Variants in CDC27 observed in about 807,000 individuals in gnomAD.
CDC27 encodes cell division cycle 27, also known as cell division cycle protein 27 homolog.
Under a neutral mutation model 109.7 loss-of-function variants are expected in CDC27, and 27 were observed. That is an observed-to-expected ratio of 0.25 (90% confidence interval 0.18 to 0.34). CDC27 has a LOEUF of 0.34. Among genes scored for constraint, CDC27 ranks in the 10% least tolerant of loss-of-function variants. The probability of loss-of-function intolerance (pLI) is 1.00; values close to 1 mark genes in which losing one functional copy is unlikely to be tolerated. For missense variants in CDC27, 579 were observed against 960.2 expected, an observed-to-expected ratio of 0.60 and a Z score of 5.25; for synonymous variants, 266 against 333.9, an observed-to-expected ratio of 0.80 and a Z score of 2.22.
chr17:47,157,653 T>C (rs2063359146), intron 5 of CDC27, among the ~76,000 whole-genome samples: 1 of 152,200 alleles, frequency 6.6e-6, no homozygotes, highest in South Asian at 2.1e-4. Flanking sequence ...CAGATTTCTG[T>C]GTTTGTTTTA....
intron 10 of CDC27, among the ~76,000 whole-genome samples, chr17:47,143,597 T>C (rs2062863841): frequency 6.6e-6 from 1 of 152,166 alleles, no homozygotes; most frequent in Non-Finnish European, 1.5e-5. Flanking sequence ...TAACTCCTAA[T>C]AATCACTGAT....
At chr17:47,164,724 C>T (rs1319143280) in intron 4 of CDC27, among the ~76,000 whole-genome samples, 2 of 152,028 alleles carry the variant, frequency 1.3e-5, no homozygotes, top group African/African-American at 2.4e-5. Flanking sequence ...GGCTGAGGCA[C>T]GAGAACTGCT....
intron 8 of CDC27, 21 bp downstream of exon 8, chr17:47,154,651 T>A: frequency 7.9e-7 from 1 of 1,268,470 alleles, no homozygotes; most frequent in Non-Finnish European, 1.1e-6. Context: ...ATTCCCAAAC[T>A]GCATTTTACA....
chr17:47,178,292 T>C (rs538940278), intron 2 of CDC27, among the ~76,000 whole-genome samples: 1 of 152,116 alleles, frequency 6.6e-6, no homozygotes, highest in East Asian at 1.9e-4. Context: ...TCCCAGCACT[T>C]TGGGAGACGG....
chr17:47,148,113 G>A lies in CDC27; in HGVS notation c.1070+3693C>T, dbSNP rs140193420. Among the ~76,000 whole-genome samples, 246 of 150,438 alleles carry A rather than the reference G, an allele frequency of 1.6e-3. 3 individuals are homozygous for A. The highest frequency in any genetic ancestry group is 5.6e-3 in the African/African-American group (229 of 40,882). On this transcript the variant is annotated intron_variant, in intron 9 of 18. Transcript: ENST00000066544. ...CTCAGGAGGCTGAGGCAGGAGAATCGCTTGAACCCAGGAGGGGCGGAGGGT... is the reference window on the plus strand; with the variant it reads ...CTCAGGAGGCTGAGGCAGGAGAATCACTTGAACCCAGGAGGGGCGGAGGGT...
chr17:47,177,567 GAAAC>G (rs1176621133), intron 2 of CDC27, among the ~76,000 whole-genome samples: 2 of 152,230 alleles, frequency 1.3e-5, no homozygotes, highest in East Asian at 1.9e-4. Context: ...GACCCTATCT[GAAAC>G]AAACAAACAA....
Position 47,123,877 on chromosome 17 carries a change from A to G in CDC27, c.2235+9T>C, listed in dbSNP as rs762104127. On this transcript the variant is annotated intron_variant, in intron 17 of 18. Coordinates refer to ENST00000066544, the MANE Select transcript of CDC27 (RefSeq NM_001256.6). ...AGTCACTGTTTGGGACCATGACCCC[A>G]GTCTTTACCTTTCCTATTAAGAAGT... 1.9e-6 allele frequency: 3 copies of G among 1,570,376 alleles called. No individual in the cohort carries two copies. The highest frequency in any genetic ancestry group is 2.6e-6 in the Non-Finnish European group (3 of 1,160,438).
chr17:47,125,436 G>A (rs557047562), intron 16 of CDC27, among the ~76,000 whole-genome samples: 4 of 150,762 alleles, frequency 2.7e-5, no homozygotes, highest in South Asian at 2.1e-4. Flanking sequence ...TAGTAGACAC[G>A]CGGTTTCACC....
intron 14 of CDC27, among the ~76,000 whole-genome samples, chr17:47,135,495 CTTTA>C (rs1406734776): frequency 7.9e-5 from 12 of 151,966 alleles, no homozygotes; most frequent in Admixed American, 3.3e-4. Context: ...AACATATCTG[CTTTA>C]TTTGAGTGGC....
intron 9 of CDC27, among the ~76,000 whole-genome samples, chr17:47,145,758 G>T (rs899494789): frequency 6.6e-6 from 1 of 152,052 alleles, no homozygotes; most frequent in Non-Finnish European, 1.5e-5. Context: ...AAAATTAGCT[G>T]GGCATGATGG....
chr17:47,128,422 C>T (rs1160872098), intron 16 of CDC27, among the ~76,000 whole-genome samples: 1 of 152,150 alleles, frequency 6.6e-6, no homozygotes, highest in Admixed American at 6.6e-5. Context: ...ATCTCTTTCT[C>T]AGTTTCCTTA....
Position 47,132,219 on chromosome 17 carries a change from G to T in CDC27, c.2031+38C>A, listed in dbSNP as rs752675992. On this transcript the variant is annotated intron_variant, in intron 15 of 18. Transcript: ENST00000066544. ...TCAATAACAAACATATTTCAAAAGG[G>T]AGATTAATAGAGTATTAATGTTTAG... 20 of 872,300 alleles carry T rather than the reference G, an allele frequency of 2.3e-5. No individual in the cohort carries two copies. In the East Asian group the frequency reaches 5.4e-4, roughly 23 times the overall value. 54.0% of individuals were successfully genotyped at this position (872,300 alleles called of 1,614,324 possible).
At chr17:47,133,381 G>T (rs182797028) in intron 14 of CDC27, among the ~76,000 whole-genome samples, 1 of 147,620 alleles carries the variant, frequency 6.8e-6, no homozygotes, top group Non-Finnish European at 1.5e-5. Flanking sequence ...CAGGTGATCC[G>T]CCCGCCTTGG....
chr17:47,177,332 T>C (rs1302305865), intron 2 of CDC27, among the ~76,000 whole-genome samples: 1 of 152,214 alleles, frequency 6.6e-6, no homozygotes, highest in Admixed American at 6.5e-5. Context: ...TTCCCAGCAC[T>C]TTGGGAGGCC....
intron 2 of CDC27, among the ~76,000 whole-genome samples, chr17:47,179,099 T>C (rs577212888): frequency 6.6e-6 from 1 of 152,348 alleles, no homozygotes; most frequent in South Asian, 2.1e-4. Context: ...TCCTTCTTTC[T>C]GATCCCACAG....
chr17:47,166,204 G>C (rs2063641113), intron 4 of CDC27, among the ~76,000 whole-genome samples: 1 of 152,138 alleles, frequency 6.6e-6, no homozygotes, highest in Non-Finnish European at 1.5e-5. Context: ...CTCATGAGTA[G>C]AGGAGTATTT....
chr17:47,162,795 T>A (rs1194539766), intron 4 of CDC27, among the ~76,000 whole-genome samples: 1 of 152,184 alleles, frequency 6.6e-6, no homozygotes, highest in African/African-American at 2.4e-5. Flanking sequence ...CTGATTTTTA[T>A]AATGAGTAAT....
Position 47,120,953 on chromosome 17 carries a change from A to C in CDC27, c.2457T>G (p.Ala819=). 1 of 1,612,398 alleles carries C rather than the reference A, an allele frequency of 6.2e-7. No individual in the cohort carries two copies. The highest frequency in any genetic ancestry group is 1.7e-4 in the Middle Eastern group (1 of 6,060). Reference sequence around the variant, plus strand: ...CCAGAAGTTAAAATTCATCACTTTCAGCTGCATGAAGTTGTGTGTCATCCG... The same window carrying C: ...CCAGAAGTTAAAATTCATCACTTTCCGCTGCATGAAGTTGTGTGTCATCCG... ...TDADDTQLHA[A]ESDEF is the part of the protein sequence containing the mutation. Residue 819 remains alanine, a synonymous_variant, in exon 19 of 19, where the codon GCT becomes GCG. Coordinates refer to ENST00000066544, the MANE Select transcript of CDC27 (RefSeq NM_001256.6).
At position 47,141,951 on chromosome 17, in the gene CDC27, T is replaced by A. The variant is rs1283418426; in HGVS notation, c.1453A>T (p.Ile485Leu). The part of the protein sequence containing the change: ...ALCSYNCKEA[I>L]NILSHLPSHH... Reference sequence around the variant, plus strand: ...GAAGGTAGATGGCTCAAAATATTTATAGCTTCTTTGCAGTTGTATGAACAC... The same window carrying A: ...GAAGGTAGATGGCTCAAAATATTTAAAGCTTCTTTGCAGTTGTATGAACAC... Residue 485 changes from isoleucine (I) to leucine (L), a missense_variant, in exon 12 of 19, where the codon ATA becomes TTA. By Grantham distance (5) the Ile-to-Leu change is conservative. Coordinates refer to ENST00000066544, the MANE Select transcript of CDC27 (RefSeq NM_001256.6). 6.2e-7 allele frequency: 1 copy of A among 1,608,506 alleles called. No homozygotes were observed. Among genetic ancestry groups the A allele is most frequent in the South Asian group, 1.1e-5 (1 of 90,718 alleles).
Sources: allele counts gnomAD v4.1 joint callset (sites outside exome capture counted in the v4.1 genomes callset), GRCh38; gene constraint gnomAD v4.1.1; transcripts MANE v1.5; gene names NCBI Gene and HGNC (gene_info 2026-07-23, HGNC 2026-07-21).